The following ANO2 variants were observed in gnomAD, a reference collection of about 807,000 sequenced individuals.
ANO2 encodes anoctamin-2.
A neutral mutation model predicts 124.2 loss-of-function variants in ANO2; 101 were observed. The observed-to-expected ratio is 0.81, with a 90% confidence interval of 0.69 to 0.96. The LOEUF is 0.96. Among genes scored for constraint, ANO2 ranks in the 40% least tolerant of loss-of-function variants. The pLI, the probability that ANO2 is intolerant of heterozygous loss-of-function variation, is 0.00. For synonymous variants in ANO2, 486 were observed against 482.5 expected (o/e 1.01, Z -0.09); for missense variants, 1,293 against 1,274.5 (o/e 1.01, Z -0.22).
chr12:5,595,782 C>T (rs1193226084), intron 20 of ANO2, among the ~76,000 whole-genome samples: 3 of 152,070 alleles, frequency 2.0e-5, no homozygotes, highest in East Asian at 3.8e-4. Flanking sequence ...GAGGAAGCAC[C>T]GTGTAAAACT....
chr12:5,599,693 A>G, intron 19 of ANO2, 64 bp from the exon 20 acceptor site: 1 of 1,550,624 alleles, frequency 6.4e-7, no homozygotes, highest in Non-Finnish European at 8.7e-7. Flanking sequence ...TTGCAGACAG[A>G]AAAAAGAAAA....
intron 20 of ANO2, among the ~76,000 whole-genome samples, chr12:5,585,091 C>A (rs1198271998): frequency 6.6e-6 from 1 of 151,900 alleles, no homozygotes; most frequent in Admixed American, 6.5e-5. Context: ...GAGTGCTGGG[C>A]AGAGGTAACT....
At chr12:5,874,694 C>A (rs1292837736) in intron 3 of ANO2, among the ~76,000 whole-genome samples, 7 of 152,114 alleles carry the variant, frequency 4.6e-5, no homozygotes, top group Admixed American at 4.6e-4. Flanking sequence ...CTGCAAAGCT[C>A]CCCCCAGCCA....
chr12:5,615,188 C>A lies in ANO2; in HGVS notation c.1926G>T (p.Gly642=). 6.2e-7 allele frequency: 1 copy of A among 1,612,600 alleles called. No homozygotes were observed. The highest frequency in any genetic ancestry group is 8.5e-7 in the Non-Finnish European group (1 of 1,179,268). ...SPIFYVAFFK[G]RFVGRPGSYV... Reference sequence around the variant, plus strand: ...ACACATGACACCATTATACTCACCTCCCTTTGAAAAAGGCCACATAGAAGA... The same window carrying A: ...ACACATGACACCATTATACTCACCTACCTTTGAAAAAGGCCACATAGAAGA... Residue 642 remains glycine, a splice_region_variant and synonymous_variant, in exon 17 of 25, where the codon GGG becomes GGT. Transcript: ENST00000682330.
intron 1 of ANO2, among the ~76,000 whole-genome samples, chr12:5,939,177 A>G (rs953211843): frequency 7.5e-6 from 1 of 133,606 alleles, no homozygotes. Context: ...AGATGGCACC[A>G]CTGCACTCCA....
chr12:5,673,048 C>A (rs1182511838), intron 14 of ANO2, among the ~76,000 whole-genome samples: 1 of 152,186 alleles, frequency 6.6e-6, no homozygotes, highest in Non-Finnish European at 1.5e-5. Context: ...CTCTCCACTC[C>A]CCATAGGTAA....
Position 5,576,009 on chromosome 12 carries a change from C to T in ANO2, c.2446G>A (p.Val816Ile), listed in dbSNP as rs1197663470. The change falls in exon 23 of 25, where the codon GTC becomes ATC. Residue 816 changes from valine (V) to isoleucine (I), a missense_variant. Physicochemically the swap from Val to Ile is conservative, Grantham distance 29. Transcript: ENST00000682330. ...GKFSVISNAF[V>I]IAITSDFIPR... ...ATAAAGTCGGAGGTGATCGCAATGA[C>T]AAAAGCCTGAGGGACAGAACCATAA... is the stretch of plus-strand genomic sequence containing the variant. 2.5e-6 allele frequency: 4 copies of T among 1,604,384 alleles called. No homozygotes were observed. The South Asian group carries it at 4.5e-5, about 18-fold the overall frequency.
intron 1 of ANO2, among the ~76,000 whole-genome samples, chr12:5,926,119 A>G (rs1942066755): frequency 6.6e-6 from 1 of 152,196 alleles, no homozygotes; most frequent in Admixed American, 6.5e-5. Flanking sequence ...ATGCTCCACC[A>G]AACAGTCAAC....
chr12:5,825,795 T>C (rs761849061), intron 7 of ANO2, among the ~76,000 whole-genome samples: 3 of 152,104 alleles, frequency 2.0e-5, no homozygotes, highest in South Asian at 2.1e-4. Flanking sequence ...TTAAGGTCAA[T>C]GGGAAACCAC....
chr12:5,586,011 G>A (rs1476212960), intron 20 of ANO2, among the ~76,000 whole-genome samples: 4 of 152,210 alleles, frequency 2.6e-5, no homozygotes, highest in Non-Finnish European at 4.4e-5. Context: ...TTTACTCTGA[G>A]CTTCCCGGTT....
intron 15 of ANO2, among the ~76,000 whole-genome samples, chr12:5,641,619 G>C (rs570182764): frequency 3.7e-4 from 57 of 152,244 alleles, no homozygotes; most frequent in South Asian, 2.3e-3. Flanking sequence ...TGTGTAAAGG[G>C]GGCTCTCCCC....
chr12:5,718,684 T>C (rs1950108896), intron 14 of ANO2, among the ~76,000 whole-genome samples: 1 of 152,070 alleles, frequency 6.6e-6, no homozygotes, highest in South Asian at 2.1e-4. Flanking sequence ...CTTCTCAGAA[T>C]CCCTTGCCAA....
chr12:5,664,181 A>G (rs557640327), intron 14 of ANO2, among the ~76,000 whole-genome samples: 3 of 152,342 alleles, frequency 2.0e-5, no homozygotes, highest in Admixed American at 2.0e-4. Flanking sequence ...TATGTGCTAG[A>G]ACAATGACCC....
At chr12:5,605,926 C>T (rs903643013) in intron 19 of ANO2, among the ~76,000 whole-genome samples, 8 of 152,282 alleles carry the variant, frequency 5.3e-5, no homozygotes, top group Admixed American at 1.3e-4. Context: ...TGGGAAGCAT[C>T]GGCCACAACT....
intron 16 of ANO2, among the ~76,000 whole-genome samples, chr12:5,627,729 T>C (rs1474253699): frequency 6.6e-6 from 1 of 152,204 alleles, no homozygotes; most frequent in Non-Finnish European, 1.5e-5. Flanking sequence ...CCTGCTCTTC[T>C]CTCCTCAGTA....
intron 23 of ANO2, among the ~76,000 whole-genome samples, chr12:5,571,701 TTCTC>T (rs143490808): frequency 9.3e-5 from 14 of 150,710 alleles, no homozygotes; most frequent in South Asian, 6.3e-4. Flanking sequence ...TCTCTCTTTC[TTCTC>T]TCTCTCTCTC....
intron 3 of ANO2, among the ~76,000 whole-genome samples, chr12:5,876,738 A>G (rs1938126611): frequency 6.6e-6 from 1 of 152,204 alleles, no homozygotes; most frequent in Non-Finnish European, 1.5e-5. Flanking sequence ...ACAGAAAACT[A>G]AACACTGCAT....
At chr12:5,735,494 T>C (rs1321832227) in intron 13 of ANO2, among the ~76,000 whole-genome samples, 1 of 152,064 alleles carries the variant, frequency 6.6e-6, no homozygotes. Context: ...AGACACAAGA[T>C]CCCTCCTTCC....
At chr12:5,939,110 G>A (rs1275576336) in intron 1 of ANO2, among the ~76,000 whole-genome samples, 2 of 144,592 alleles carry the variant, frequency 1.4e-5, no homozygotes, top group Admixed American at 6.9e-5. Flanking sequence ...CCAGCTACTC[G>A]GGAGGCTGAG....
Sources: allele counts gnomAD v4.1 joint callset (sites outside exome capture counted in the v4.1 genomes callset), GRCh38; gene constraint gnomAD v4.1.1; transcripts MANE v1.5; gene names NCBI Gene and HGNC (gene_info 2026-07-23, HGNC 2026-07-21).